The following SNTG2 variants were observed in gnomAD, a reference collection of about 807,000 sequenced individuals.
The protein encoded by SNTG2 is gamma-2-syntrophin.
A neutral mutation model predicts 70.9 loss-of-function variants in SNTG2; 74 were observed. The observed-to-expected ratio is 1.04, with a 90% CI of 0.86 to 1.27. SNTG2 has a LOEUF of 1.27. Among genes scored for constraint, SNTG2 ranks in the 50% most tolerant of loss-of-function variants. The pLI, the probability that SNTG2 is intolerant of heterozygous loss-of-function variation, is 0.00. For synonymous variants in SNTG2, 278 were observed against 273.8 expected (o/e 1.02, Z -0.15); for missense variants, 717 against 690.7 (o/e 1.04, Z -0.43).
chr2:957,620 G>A (rs1003864241), intron 1 of SNTG2, among the ~76,000 whole-genome samples: 1 of 152,044 alleles, frequency 6.6e-6, no homozygotes, highest in Non-Finnish European at 1.5e-5. Flanking sequence ...AAGCAGACAC[G>A]AAACAGCACA....
rs58278307 is a variant in SNTG2 at position 1,247,315 on chromosome 2, A to AAAGGTT, written c.889-12_889-11insAAGGTT. ...CATTAAGGCTTGGTTTGTAATTTTC[A>AAAGGTT]CCCCTCTGCAGGTTGTGCATATGGG... is the stretch of plus-strand genomic sequence containing the variant. On this transcript the variant is annotated splice_polypyrimidine_tract_variant and intron_variant, in intron 11 of 16. Transcript: ENST00000308624. The AAAGGTT allele has an allele frequency of 0.27, 418,614 of 1,570,364 alleles. 59,566 individuals are homozygous for AAAGGTT. The highest frequency in any genetic ancestry group is 0.46 in the African/African-American group (33,787 of 73,784).
intron 9 of SNTG2, among the ~76,000 whole-genome samples, chr2:1,211,435 G>A (rs1674031048): frequency 6.6e-6 from 1 of 152,136 alleles, no homozygotes; most frequent in Non-Finnish European, 1.5e-5. Context: ...GTCATAAGAT[G>A]GAAATGTCTC....
intron 13 of SNTG2, among the ~76,000 whole-genome samples, chr2:1,266,665 CTTAG>C (rs1049841670): frequency 2.6e-4 from 39 of 151,234 alleles, no homozygotes; most frequent in African/African-American, 8.3e-4. Context: ...AGGGGGCACG[CTTAG>C]TTAGAGTGGT....
At chr2:1,222,639 A>G (rs1284322131) in intron 9 of SNTG2, among the ~76,000 whole-genome samples, 1 of 3,590 alleles carries the variant, frequency 2.8e-4, no homozygotes, top group African/African-American at 2.0e-3. Flanking sequence ...CGGTGCAGTG[A>G]TGGAGGGCGT....
intron 1 of SNTG2, among the ~76,000 whole-genome samples, chr2:957,613 C>CA (rs781684349): frequency 3.2e-4 from 48 of 152,160 alleles, no homozygotes; most frequent in Non-Finnish European, 5.9e-4. Context: ...TCTAGACAAG[C>CA]AGACACGAAA....
chr2:962,863 A>G (rs1003232187), intron 1 of SNTG2, among the ~76,000 whole-genome samples: 5 of 152,192 alleles, frequency 3.3e-5, no homozygotes, highest in Non-Finnish European at 7.3e-5. Context: ...AAAACAGAAG[A>G]TAAGTGTCAT....
intron 2 of SNTG2, among the ~76,000 whole-genome samples, chr2:1,089,858 AATTATT>A (rs1242871268): frequency 6.6e-6 from 1 of 152,202 alleles, no homozygotes; most frequent in Non-Finnish European, 1.5e-5. Context: ...AACCCTGTGC[AATTATT>A]ATTAATATTT....
intron 4 of SNTG2, among the ~76,000 whole-genome samples, chr2:1,124,976 G>C (rs529276910): frequency 1.3e-5 from 2 of 152,042 alleles, no homozygotes; most frequent in Non-Finnish European, 2.9e-5. Context: ...AAAAATATGG[G>C]TAATCAGGTG....
intron 8 of SNTG2, among the ~76,000 whole-genome samples, chr2:1,186,211 C>G (rs957743010): frequency 6.6e-6 from 1 of 152,144 alleles, no homozygotes; most frequent in African/African-American, 2.4e-5. Context: ...TCTAATAAGT[C>G]CCTCATTTCC....
intron 1 of SNTG2, among the ~76,000 whole-genome samples, chr2:1,062,418 C>T (rs1352100302): frequency 6.6e-6 from 1 of 152,080 alleles, no homozygotes; most frequent in African/African-American, 2.4e-5. Flanking sequence ...TAGATTTTTT[C>T]TCATGGTTTT....
intron 16 of SNTG2, among the ~76,000 whole-genome samples, chr2:1,365,569 G>A (rs964199201): frequency 6.6e-6 from 1 of 152,054 alleles, no homozygotes; most frequent in Non-Finnish European, 1.5e-5. Context: ...GTCCTCTTCC[G>A]GCAGGCTGGC....
Position 1,206,144 on chromosome 2 carries a change from A to G in SNTG2, c.592-2959A>G, listed in dbSNP as rs1015911467. On this transcript the variant is annotated intron_variant, in intron 8 of 16. Coordinates refer to ENST00000308624, the MANE Select transcript of SNTG2 (RefSeq NM_018968.4). ...AGGAACATGCCTCATTATATCTGCA[A>G]GCTATTGAGTTGATGTAAGATTTGG... Among the ~76,000 whole-genome samples the G allele has an allele frequency of 2.0e-5, 3 of 152,292 alleles. No homozygotes were observed. In the East Asian group the frequency reaches 5.8e-4, roughly 29 times the overall value.
At chr2:1,296,471 G>A (rs1680222199) in intron 14 of SNTG2, among the ~76,000 whole-genome samples, 1 of 152,200 alleles carries the variant, frequency 6.6e-6, no homozygotes, top group Non-Finnish European at 1.5e-5. Flanking sequence ...TGCCCCTTAG[G>A]CATACATTTC....
chr2:1,215,569 T>C (rs1269551369), intron 9 of SNTG2, among the ~76,000 whole-genome samples: 1 of 151,828 alleles, frequency 6.6e-6, no homozygotes, highest in Admixed American at 6.6e-5. Context: ...CTTTTTTTTA[T>C]TATACTTTAA....
chr2:1,203,004 C>T (rs953197941), intron 8 of SNTG2, among the ~76,000 whole-genome samples: 4 of 151,988 alleles, frequency 2.6e-5, no homozygotes, highest in Admixed American at 6.6e-5. Context: ...GTTGATAGGA[C>T]GGATAGACAA....
intron 1 of SNTG2, among the ~76,000 whole-genome samples, chr2:986,154 C>T (rs1297368799): frequency 6.6e-6 from 1 of 151,292 alleles, no homozygotes; most frequent in East Asian, 2.0e-4. Flanking sequence ...TCCTTTCACA[C>T]AGTCTTGCAT....
At chr2:1,050,320 T>C (rs1246510154) in intron 1 of SNTG2, among the ~76,000 whole-genome samples, 1 of 152,184 alleles carries the variant, frequency 6.6e-6, no homozygotes, top group Non-Finnish European at 1.5e-5. Flanking sequence ...ACTTTATTGA[T>C]TTACCTTTTA....
chr2:1,113,851 CTAAG>C (rs35912324), intron 4 of SNTG2, among the ~76,000 whole-genome samples: 50,929 of 149,148 alleles, frequency 0.34, 8,566 homozygotes, highest in East Asian at 0.52. Flanking sequence ...ATCGTGTGTA[CTAAG>C]TGAGGATTAA....
intron 1 of SNTG2, among the ~76,000 whole-genome samples, chr2:972,593 A>C (rs1224077909): frequency 6.6e-6 from 1 of 152,138 alleles, no homozygotes; most frequent in East Asian, 1.9e-4. Flanking sequence ...TCGGATCATC[A>C]TCATAATATT....
Sources: gnomAD v4.1 joint callset for allele counts (sites outside exome capture counted in the v4.1 genomes callset) on GRCh38, gnomAD v4.1.1 for gene constraint, MANE v1.5 for transcripts, NCBI Gene and HGNC (gene_info 2026-07-23, HGNC 2026-07-21) for gene names.